Variants in PXYLP1 observed in about 807,000 individuals in gnomAD.
PXYLP1 encodes 2-phosphoxylose phosphatase 1, also known as acid phosphatase-like 2.
Under a neutral mutation model 37.9 loss-of-function variants are expected in PXYLP1, and 17 were observed. That is an observed-to-expected ratio of 0.45 (90% CI 0.31 to 0.67). PXYLP1 has a LOEUF of 0.67. PXYLP1 is among the 30% of genes least tolerant of loss of function. PXYLP1 has a pLI of 0.07. For synonymous variants in PXYLP1, 221 were observed against 232.2 expected (o/e 0.95, Z 0.44); for missense variants, 511 against 612.0 (o/e 0.84, Z 1.74).
intron 1 of PXYLP1, among the ~76,000 whole-genome samples, chr3:141,248,943 CTG>C (rs1182425758): frequency 6.6e-6 from 1 of 150,862 alleles, no homozygotes; most frequent in Non-Finnish European, 1.5e-5. Flanking sequence ...GTTTTGGGAT[CTG>C]AGTCAGAGAA....
In PXYLP1 at chr3:141,237,610, C is replaced by T. The variant is rs193184480; in HGVS notation, c.-54+5699C>T. Among the ~76,000 whole-genome samples the T allele has an allele frequency of 7.2e-5, 11 of 152,342 alleles. No homozygotes were observed. The East Asian group carries it at 2.1e-3, about 29-fold the overall frequency. On this transcript the variant is annotated intron_variant, in intron 1 of 5. Transcript: ENST00000286353. ...TGAGGGCTTAGAAAAGCACCTACCA[C>T]ATGGTACATGCTTTAAAAATGTTAG... is the stretch of plus-strand genomic sequence containing the variant.
intron 2 of PXYLP1, chr3:141,273,317 C>T: frequency 1.0e-6 from 1 of 985,384 alleles, no homozygotes; most frequent in African/African-American, 1.7e-5. Flanking sequence ...GGCTTCAGGA[C>T]CTTAGGTAAC....
At chr3:141,250,631 G>C (rs72994967) in intron 1 of PXYLP1, among the ~76,000 whole-genome samples, 33,424 of 152,142 alleles carry the variant, frequency 0.22, 5,035 homozygotes, top group African/African-American at 0.43. Context: ...GCTTCCAGTA[G>C]AGATGAACAG....
intron 1 of PXYLP1, among the ~76,000 whole-genome samples, chr3:141,256,732 T>G (rs1428473075): frequency 6.6e-6 from 1 of 152,210 alleles, no homozygotes; most frequent in African/African-American, 2.4e-5. Context: ...TGGGATTCGG[T>G]GTTCCTCTGG....
At chr3:141,262,179 C>A in intron 2 of PXYLP1, 1 of 623,666 alleles carries the variant, frequency 1.6e-6, no homozygotes, top group South Asian at 7.2e-5. Context: ...TTTCCATGTA[C>A]ATGCATATGA....
chr3:141,287,791 T>C (rs1942110358), intron 5 of PXYLP1, among the ~76,000 whole-genome samples: 1 of 152,218 alleles, frequency 6.6e-6, no homozygotes, highest in Non-Finnish European at 1.5e-5. Context: ...CACACACATC[T>C]TACTAAACAC....
At chr3:141,263,774 C>T (rs191483306) in intron 2 of PXYLP1, among the ~76,000 whole-genome samples, 1 of 152,290 alleles carries the variant, frequency 6.6e-6, no homozygotes, top group East Asian at 1.9e-4. Flanking sequence ...TGTCCTATTC[C>T]TTCTTCTGTA....
intron 1 of PXYLP1, among the ~76,000 whole-genome samples, chr3:141,244,335 A>G (rs1238630814): frequency 1.3e-5 from 2 of 151,550 alleles, no homozygotes; most frequent in Non-Finnish European, 2.9e-5. Flanking sequence ...TTGACTTAAC[A>G]ATATAACGTT....
At position 141,292,431 on chromosome 3, in the gene PXYLP1, A is replaced by G. The variant is rs770060566; in HGVS notation, c.669A>G (p.Pro223=). Residue 223 remains proline, a synonymous_variant, in exon 6 of 6, where the codon CCA becomes CCG. Transcript: ENST00000286353. This position sits in a 1 kb window ranked among gnomAD's most constrained non-coding sequence, Gnocchi z 4.3. ...TGGCCTTGCTTTATGGCTTTCTCCC[A>G]GATTTTGACTGGAAGAAGATTTATT... ...SGLALLYGFL[P]DFDWKKIYFR... 6.2e-7 allele frequency: 1 copy of G among 1,614,218 alleles called. No individual in the cohort carries two copies. The highest frequency in any genetic ancestry group is 8.5e-7 in the Non-Finnish European group (1 of 1,180,032).
At chr3:141,282,431 C>G (rs891709995) in intron 4 of PXYLP1, among the ~76,000 whole-genome samples, 2 of 152,012 alleles carry the variant, frequency 1.3e-5, no homozygotes, top group Admixed American at 1.3e-4. Context: ...CCACAGCCCC[C>G]TTAGCCTGCT....
intron 2 of PXYLP1, among the ~76,000 whole-genome samples, chr3:141,264,611 C>A (rs1941464567): frequency 6.6e-6 from 1 of 152,162 alleles, no homozygotes; most frequent in Admixed American, 6.5e-5. Context: ...GGAGAAGAAT[C>A]ACAAGCCGAC....
intron 1 of PXYLP1, among the ~76,000 whole-genome samples, chr3:141,256,770 C>T (rs1255957780): frequency 6.6e-6 from 1 of 152,148 alleles, no homozygotes; most frequent in East Asian, 1.9e-4. Context: ...ACCCCTAGGG[C>T]TGTGATCACA....
chr3:141,248,800 C>T (rs200679147), intron 1 of PXYLP1, among the ~76,000 whole-genome samples: 1 of 106,444 alleles, frequency 9.4e-6, no homozygotes, highest in South Asian at 3.5e-4. Flanking sequence ...TATACACACA[C>T]GTGTATATAT....
chr3:141,260,148 C>A lies in PXYLP1; in HGVS notation c.-28C>A, dbSNP rs1392136861. The A allele has an allele frequency of 1.2e-6, 2 of 1,613,344 alleles. No homozygotes were observed. Among genetic ancestry groups the A allele is most frequent in the East Asian group, 4.5e-5 (2 of 44,888 alleles). ...GACATGTTCCCGATTTGAGGTGAAA[C>A]CATGAAGAGAAAATAGAATACTTAA... On this transcript the variant is annotated 5_prime_UTR_variant, in exon 2 of 6. Coordinates refer to ENST00000286353, the MANE Select transcript of PXYLP1 (RefSeq NM_001037172.3).
intron 5 of PXYLP1, among the ~76,000 whole-genome samples, chr3:141,288,034 T>C (rs143244646): frequency 4.5e-4 from 69 of 152,352 alleles, no homozygotes; most frequent in African/African-American, 1.5e-3. Flanking sequence ...TTCTACTGCA[T>C]GTGGAGTTTG....
intron 1 of PXYLP1, among the ~76,000 whole-genome samples, chr3:141,253,219 T>C (rs1941184053): frequency 6.6e-6 from 1 of 152,078 alleles, no homozygotes; most frequent in East Asian, 1.9e-4. Context: ...CACCTTGAGG[T>C]CAGTGGGGAA....
chr3:141,285,386 C>T (rs1287465145), intron 4 of PXYLP1, among the ~76,000 whole-genome samples: 1 of 151,866 alleles, frequency 6.6e-6, no homozygotes, highest in Non-Finnish European at 1.5e-5. Context: ...AAGCAGTCCT[C>T]CCACCTCGGC....
intron 3 of PXYLP1, 131 bp downstream of exon 3, chr3:141,278,631 T>C: frequency 8.5e-7 from 1 of 1,181,762 alleles, no homozygotes; most frequent in East Asian, 2.4e-5. Flanking sequence ...TGCCCTTGAA[T>C]GAGTTCCTGG....
At chr3:141,240,661 C>A (rs532022028) in intron 1 of PXYLP1, among the ~76,000 whole-genome samples, 2 of 152,170 alleles carry the variant, frequency 1.3e-5, no homozygotes, top group South Asian at 2.1e-4. Flanking sequence ...GCCCCCTCCT[C>A]CCCCCAAAAA....
Sources: gnomAD v4.1 joint callset for allele counts (sites outside exome capture counted in the v4.1 genomes callset) on GRCh38, gnomAD v4.1.1 for gene constraint, Gnocchi (gnomAD v3.1) non-coding constraint, MANE v1.5 for transcripts, NCBI Gene and HGNC (gene_info 2026-07-23, HGNC 2026-07-21) for gene names.